The following ZNF254 variants were observed in gnomAD, a reference collection of about 807,000 sequenced individuals.
The protein encoded by ZNF254 is CTD-2017D11.1.
ZNF254 carries 10 observed loss-of-function variants against 12.4 expected under a neutral mutation model. That is an observed-to-expected ratio of 0.80 (90% CI 0.50 to 1.36). The LOEUF is 1.36. Among genes scored for constraint, ZNF254 ranks in the 40% most tolerant of loss-of-function variants. ZNF254 has a pLI of 0.00. For synonymous variants in ZNF254, 305 were observed against 253.4 expected, an observed-to-expected ratio of 1.20 and a Z score of -1.93; for missense variants, 996 against 763.9, an observed-to-expected ratio of 1.30 and a Z score of -3.58.
chr19:24,051,978 C>G (rs1449105099), intron 2 of ZNF254, among the ~76,000 whole-genome samples: 1 of 152,142 alleles, frequency 6.6e-6, no homozygotes, highest in African/African-American at 2.4e-5. Context: ...GATGATGTGA[C>G]TCTCTTGGAT....
intron 1 of ZNF254, among the ~76,000 whole-genome samples, chr19:24,099,566 A>G (rs1454776634): frequency 6.6e-6 from 1 of 152,226 alleles, no homozygotes; most frequent in Non-Finnish European, 1.5e-5. Context: ...GAAGAGTGAA[A>G]GTCTACCTTA....
intron 3 of ZNF254, among the ~76,000 whole-genome samples, chr19:24,111,036 TG>T (rs1401813846): frequency 6.6e-6 from 1 of 152,092 alleles, no homozygotes; most frequent in Non-Finnish European, 1.5e-5. Flanking sequence ...TGTGCCATGC[TG>T]GTGTGCTGCA....
chr19:24,114,133 C>T (rs1599739883), intron 3 of ZNF254, among the ~76,000 whole-genome samples: 5 of 152,094 alleles, frequency 3.3e-5, no homozygotes, highest in African/African-American at 9.6e-5. Context: ...ATGCCATCCC[C>T]ATCAAGCTAC....
intron 3 of ZNF254, 129 bp downstream of exon 3, chr19:24,106,772 T>A (rs1340619687): frequency 5.3e-6 from 4 of 758,526 alleles, no homozygotes; most frequent in Admixed American, 6.0e-5. Context: ...AAATTTTTTT[T>A]TTAAATTATA....
chr19:24,048,103 C>T (rs1424579772), intron 2 of ZNF254, among the ~76,000 whole-genome samples: 3 of 141,446 alleles, frequency 2.1e-5, no homozygotes, highest in South Asian at 2.2e-4. Context: ...GCTTTGGGCG[C>T]GAGCTCCACA....
intron 1 of ZNF254, among the ~76,000 whole-genome samples, chr19:24,034,785 CTTTT>C (rs57891281): frequency 0.17 from 23,467 of 141,548 alleles, 2,010 homozygotes; most frequent in Middle Eastern, 0.24. Flanking sequence ...CAAGAAGTTA[CTTTT>C]TTTTTTTTTT....
chr19:24,048,342 T>C (rs1970489708), intron 2 of ZNF254, among the ~76,000 whole-genome samples: 1 of 152,216 alleles, frequency 6.6e-6, no homozygotes, highest in Non-Finnish European at 1.5e-5. Flanking sequence ...GCGCCACACA[T>C]GGCCCAGGGT....
At chr19:24,048,159 G>A (rs1049433933) in intron 2 of ZNF254, among the ~76,000 whole-genome samples, 3 of 152,024 alleles carry the variant, frequency 2.0e-5, no homozygotes, top group Non-Finnish European at 2.9e-5. Context: ...CACACCATCA[G>A]GTGACCAGAT....
intron 3 of ZNF254, among the ~76,000 whole-genome samples, chr19:24,115,777 T>C (rs1974019211): frequency 6.6e-6 from 1 of 152,170 alleles, no homozygotes. Flanking sequence ...GTTGATGCAG[T>C]GTCTTTCTAG....
At chr19:24,117,311 G>T (rs1974152137) in intron 3 of ZNF254, among the ~76,000 whole-genome samples, 1 of 152,168 alleles carries the variant, frequency 6.6e-6, no homozygotes, top group South Asian at 2.1e-4. Flanking sequence ...AGCCTACAGA[G>T]GCAGGCAGGC....
intron 3 of ZNF254, among the ~76,000 whole-genome samples, chr19:24,118,381 G>A (rs1423834509): frequency 2.6e-5 from 4 of 151,884 alleles, no homozygotes; most frequent in Admixed American, 1.3e-4. Flanking sequence ...CAACAGATTA[G>A]GTGTTTTTAA....
intron 3 of ZNF254, among the ~76,000 whole-genome samples, chr19:24,119,848 T>TTTA (rs1383775526): frequency 1.3e-5 from 2 of 152,106 alleles, no homozygotes; most frequent in Non-Finnish European, 2.9e-5. Flanking sequence ...TTGCTATTGT[T>TTTA]TTATGTGTTT....
At chr19:24,081,763 T>G (rs1568443660) in intron 2 of ZNF254, among the ~76,000 whole-genome samples, 1 of 152,146 alleles carries the variant, frequency 6.6e-6, no homozygotes, top group Non-Finnish European at 1.5e-5. Context: ...ATTGACACCT[T>G]TACCGTTTGG....
chr19:24,069,470 G>A (rs1971401069), intron 2 of ZNF254, among the ~76,000 whole-genome samples: 1 of 150,400 alleles, frequency 6.6e-6, no homozygotes, highest in African/African-American at 2.4e-5. Flanking sequence ...CTCCAGGCGT[G>A]GTGGCGGGTG....
At chr19:24,080,460 A>C (rs1599658621) in intron 2 of ZNF254, 1 of 152,170 alleles carries the variant, frequency 6.6e-6, no homozygotes. Flanking sequence ...GGGGACTGAG[A>C]CCTTCCACCA....
intron 2 of ZNF254, among the ~76,000 whole-genome samples, chr19:24,053,351 G>T (rs184458077): frequency 2.6e-5 from 4 of 152,330 alleles, no homozygotes; most frequent in Non-Finnish European, 4.4e-5. Flanking sequence ...AGAAATGTGT[G>T]AAATTGTTAA....
At chr19:24,051,723 T>C (rs1161538734) in intron 2 of ZNF254, among the ~76,000 whole-genome samples, 1 of 151,502 alleles carries the variant, frequency 6.6e-6, no homozygotes, top group Admixed American at 6.6e-5. Flanking sequence ...TTATGAAATA[T>C]CTTTCTGTTA....
intron 1 of ZNF254, among the ~76,000 whole-genome samples, chr19:24,043,011 T>G (rs1003695947): frequency 1.3e-5 from 2 of 151,826 alleles, no homozygotes; most frequent in South Asian, 4.1e-4. Context: ...TCTTTTTAGG[T>G]TTTTTTGTTT....
chr19:24,094,327 C>T (rs903722050), intron 1 of ZNF254, among the ~76,000 whole-genome samples: 1 of 151,730 alleles, frequency 6.6e-6, no homozygotes, highest in Non-Finnish European at 1.5e-5. Flanking sequence ...AAGTGGCAGT[C>T]TTGGCTCACC....
Sources: allele counts gnomAD v4.1 joint callset (sites outside exome capture counted in the v4.1 genomes callset), GRCh38; gene constraint gnomAD v4.1.1; transcripts MANE v1.5; gene names NCBI Gene and HGNC (gene_info 2026-07-23, HGNC 2026-07-21).